PGCKA1: variants seen among roughly 807,000 people sequenced by gnomAD.
PGCKA1 encodes PDCD10 and GCKIII kinases-associated protein 1.
chr4:37,536,005 A>G, the PGCKA1 span, among the ~76,000 whole-genome samples: 1 of 152,266 alleles, frequency 6.6e-6, no homozygotes, highest in Non-Finnish European at 1.5e-5. Flanking sequence ...GATCATGCAC[A>G]TAAAGTGCTT....
chr4:37,486,023 T>G, the PGCKA1 span, among the ~76,000 whole-genome samples: 1 of 152,194 alleles, frequency 6.6e-6, no homozygotes, highest in South Asian at 2.1e-4. Context: ...ACAGAATAAG[T>G]TAATTTGAGA....
the PGCKA1 span, among the ~76,000 whole-genome samples, chr4:37,519,122 GTCTA>G: frequency 1.1e-4 from 16 of 152,076 alleles, no homozygotes; most frequent in East Asian, 3.8e-4. Flanking sequence ...TGATCCATTG[GTCTA>G]TCTGTTTGTT....
chr4:37,556,503 A>C, the PGCKA1 span, among the ~76,000 whole-genome samples: 1,959 of 152,300 alleles, frequency 0.013, 111 homozygotes, highest in East Asian at 0.14. Flanking sequence ...TCCTGACCTC[A>C]GGTGATCCAC....
the PGCKA1 span, among the ~76,000 whole-genome samples, chr4:37,457,665 A>G: frequency 1.3e-5 from 2 of 152,324 alleles, no homozygotes; most frequent in Non-Finnish European, 2.9e-5. Context: ...GTGAAATAGT[A>G]CTGCTTTTAT....
the PGCKA1 span, among the ~76,000 whole-genome samples, chr4:37,565,368 G>A: frequency 6.6e-6 from 1 of 152,138 alleles, no homozygotes; most frequent in East Asian, 1.9e-4. Flanking sequence ...GTATCCTCAT[G>A]TAGAAGGGGG....
the PGCKA1 span, among the ~76,000 whole-genome samples, chr4:37,487,447 C>A: frequency 6.6e-6 from 1 of 152,184 alleles, no homozygotes; most frequent in African/African-American, 2.4e-5. Flanking sequence ...CTTCAATATG[C>A]ATTGCATTAA....
the PGCKA1 span, among the ~76,000 whole-genome samples, chr4:37,530,904 G>A: frequency 1.3e-5 from 2 of 151,990 alleles, no homozygotes; most frequent in South Asian, 2.1e-4. Context: ...GGAATGGTTT[G>A]AACCCGGGAG....
the PGCKA1 span, among the ~76,000 whole-genome samples, chr4:37,487,139 C>G: frequency 2.9e-4 from 44 of 152,270 alleles, no homozygotes; most frequent in East Asian, 8.3e-3. Flanking sequence ...ACATGAAATG[C>G]TTTGCTTGTT....
the PGCKA1 span, chr4:37,590,325 A>T: frequency 1.9e-6 from 3 of 1,613,728 alleles, no homozygotes; most frequent in Non-Finnish European, 2.5e-6. Context: ...GGGACGCTGG[A>T]GGGGAACACC....
chr4:37,553,342 CT>C, the PGCKA1 span, among the ~76,000 whole-genome samples: 1 of 137,654 alleles, frequency 7.3e-6, no homozygotes, highest in Admixed American at 7.2e-5. Flanking sequence ...ATTTTGACAC[CT>C]GATCTTTATA....
chr4:37,463,857 A>G, the PGCKA1 span, among the ~76,000 whole-genome samples: 1 of 152,098 alleles, frequency 6.6e-6, no homozygotes, highest in African/African-American at 2.4e-5. Flanking sequence ...AATTACTGAA[A>G]CTGCAACCCT....
At chr4:37,590,307 C>T in the PGCKA1 span, 1 of 1,613,832 alleles carries the variant, frequency 6.2e-7, no homozygotes. Flanking sequence ...AAGGGCCGCT[C>T]CCACAGGGGG....
chr4:37,458,632 T>C, the PGCKA1 span, among the ~76,000 whole-genome samples: 1 of 152,160 alleles, frequency 6.6e-6, no homozygotes, highest in Non-Finnish European at 1.5e-5. Context: ...ACATGTTGGC[T>C]CAACTTGGTT....
the PGCKA1 span, among the ~76,000 whole-genome samples, chr4:37,556,552 A>ACCACGC: frequency 6.6e-6 from 1 of 152,132 alleles, no homozygotes; most frequent in East Asian, 1.9e-4. Context: ...TACAAGCATG[A>ACCACGC]CCACGCCCAG....
At chr4:37,543,791 G>A in the PGCKA1 span, among the ~76,000 whole-genome samples, 17 of 151,128 alleles carry the variant, frequency 1.1e-4, no homozygotes, top group South Asian at 2.1e-4. Flanking sequence ...CCGAGATAGC[G>A]CCACTGCACT....
At chr4:37,516,760 A>C in the PGCKA1 span, among the ~76,000 whole-genome samples, 2 of 152,192 alleles carry the variant, frequency 1.3e-5, no homozygotes, top group Non-Finnish European at 2.9e-5. Context: ...AAAAGCAAAT[A>C]TGTGTTGATA....
chr4:37,484,168 A>G, the PGCKA1 span, among the ~76,000 whole-genome samples: 1 of 152,182 alleles, frequency 6.6e-6, no homozygotes, highest in Non-Finnish European at 1.5e-5. Flanking sequence ...GTTCATTTAC[A>G]TGCTGCTGAT....
the PGCKA1 span, among the ~76,000 whole-genome samples, chr4:37,561,402 G>A: frequency 1.7e-4 from 26 of 152,348 alleles, no homozygotes; most frequent in African/African-American, 5.8e-4. Flanking sequence ...AATGTAAAGT[G>A]AAAGGTGATA....
At chr4:37,549,117 T>G in the PGCKA1 span, among the ~76,000 whole-genome samples, 1 of 152,178 alleles carries the variant, frequency 6.6e-6, no homozygotes, top group Non-Finnish European at 1.5e-5. Flanking sequence ...ACTTCGTGTC[T>G]CTCACCACAG....
Sources: gnomAD v4.1 joint callset for allele counts (sites outside exome capture counted in the v4.1 genomes callset) on GRCh38, gnomAD v4.1.1 for gene constraint, MANE v1.5 for transcripts, NCBI Gene and HGNC (gene_info 2026-07-23, HGNC 2026-07-21) for gene names.